Variants in ZNF875 observed in about 807,000 individuals in gnomAD.
ZNF875 encodes HKR1, GLI-Kruppel zinc finger family member.
A neutral mutation model predicts 11.2 loss-of-function variants in ZNF875; 14 were observed. That is an observed-to-expected ratio of 1.26 (90% CI 0.83 to 1.96). The LOEUF is 1.96. Among genes scored for constraint, ZNF875 ranks in the 30% most tolerant of loss-of-function variants. ZNF875 has a pLI of 0.00. For missense variants in ZNF875, 752 were observed against 760.4 expected (o/e 0.99, Z 0.13); for synonymous variants, 301 against 281.1 (o/e 1.07, Z -0.71).
At chr19:37,323,565 G>C (rs2031888158) in exon 3 of ZNF875, 2 of 152,152 alleles carry the variant, frequency 1.3e-5, no homozygotes, top group South Asian at 4.1e-4. Flanking sequence ...TCTAGAGATT[G>C]AACAGGTAAG....
At chr19:37,327,624 G>A (rs1364948975) in intron 4 of ZNF875, among the ~76,000 whole-genome samples, 2 of 151,484 alleles carry the variant, frequency 1.3e-5, no homozygotes, top group East Asian at 2.0e-4. Context: ...AAAATTATTC[G>A]TGTAGTGGTG....
chr19:37,340,999 AAG>A (rs1429052482), intron 2 of ZNF875, among the ~76,000 whole-genome samples: 2 of 152,158 alleles, frequency 1.3e-5, no homozygotes, highest in African/African-American at 2.4e-5. Context: ...CAGCTGAAAA[AAG>A]AGGAGAAAAA....
chr19:37,318,430 A>G (rs1005140916), intron 1 of ZNF875, among the ~76,000 whole-genome samples: 6 of 152,180 alleles, frequency 3.9e-5, no homozygotes, highest in African/African-American at 1.4e-4. Flanking sequence ...TTAAAATGGC[A>G]TTTTGTTGTT....
At chr19:37,323,559 G>C (rs1439515111) in exon 3 of ZNF875, 1 of 152,166 alleles carries the variant, frequency 6.6e-6, no homozygotes, top group Non-Finnish European at 1.5e-5. Flanking sequence ...AGTCTCTCTA[G>C]AGATTGAACA....
upstream of ZNF875, chr19:37,315,486 G>A (rs550500484): frequency 2.0e-5 from 3 of 152,184 alleles, no homozygotes; most frequent in Non-Finnish European, 4.4e-5. Context: ...TCGAGTCCAG[G>A]AGAACTCAAG....
upstream of ZNF875, chr19:37,334,615 C>G (rs1192746824): frequency 4.4e-6 from 2 of 451,770 alleles, no homozygotes; most frequent in Non-Finnish European, 8.9e-6. Context: ...GCTCCCCTCC[C>G]TACCCTTCAG....
chr19:37,322,052 C>A (rs1160551800), intron 1 of ZNF875: 1 of 152,246 alleles, frequency 6.6e-6, no homozygotes, highest in Non-Finnish European at 1.5e-5. Context: ...CCACCCACGT[C>A]CCCCAGTGTT....
chr19:37,323,788 C>G (rs1484867451), intron 3 of ZNF875, among the ~76,000 whole-genome samples: 1 of 152,118 alleles, frequency 6.6e-6, no homozygotes, highest in Non-Finnish European at 1.5e-5. Context: ...CACTGTGTCC[C>G]CCAAAGGACA....
intron 4 of ZNF875, among the ~76,000 whole-genome samples, chr19:37,350,089 G>A (rs1365875798): frequency 2.2e-5 from 2 of 91,420 alleles, no homozygotes; most frequent in Admixed American, 3.1e-4. Context: ...GAGCCACCAC[G>A]CCCGGCCCCC....
chr19:37,355,779 A>G (rs1568639067), intron 4 of ZNF875, among the ~76,000 whole-genome samples: 1 of 152,096 alleles, frequency 6.6e-6, no homozygotes, highest in African/African-American at 2.4e-5. Flanking sequence ...TTGACATTTC[A>G]TTTGTTTATT....
rs200991364 is a variant in ZNF875 at position 37,340,749 on chromosome 19, C to T, written c.33+5492C>T. Among the ~76,000 whole-genome samples the T allele has an allele frequency of 2.3e-4, 35 of 149,174 alleles. 1 individual carries two copies. In the East Asian group the frequency reaches 5.2e-3, roughly 22 times the overall value. On this transcript the variant is annotated intron_variant, in intron 2 of 4. Transcript: ENST00000392153. ...CTGCAAGCTCCGCCTCCTGGGTTCA[C>T]GCCATTCTCCTGCCTCAGCCTCCCG...
chr19:37,319,138 A>T (rs1187858426), intron 1 of ZNF875, among the ~76,000 whole-genome samples: 1 of 149,382 alleles, frequency 6.7e-6, no homozygotes, highest in Non-Finnish European at 1.5e-5. Context: ...CCTCCGCCTC[A>T]CGGGTTCAAG....
intron 4 of ZNF875, among the ~76,000 whole-genome samples, chr19:37,361,095 T>C (rs934873915): frequency 2.0e-5 from 3 of 150,964 alleles, no homozygotes; most frequent in Non-Finnish European, 4.4e-5. Flanking sequence ...TCTCCTCATT[T>C]TGTTTGTCTT....
intron 2 of ZNF875, among the ~76,000 whole-genome samples, chr19:37,342,649 T>G (rs745874815): frequency 1.6e-4 from 24 of 152,102 alleles, no homozygotes; most frequent in Non-Finnish European, 3.1e-4. Context: ...CAACCTTGGG[T>G]GATGCGCCTG....
intron 4 of ZNF875, among the ~76,000 whole-genome samples, chr19:37,350,656 A>C (rs1342398697): frequency 6.6e-6 from 1 of 151,986 alleles, no homozygotes; most frequent in Admixed American, 6.6e-5. Context: ...CATTACATAA[A>C]TAAGATTTAT....
upstream of ZNF875, among the ~76,000 whole-genome samples, chr19:37,316,473 G>C (rs2030197152): frequency 6.6e-6 from 1 of 151,608 alleles, no homozygotes; most frequent in African/African-American, 2.4e-5. Context: ...GGGTTCAAAC[G>C]ATTCTCCTGC....
At chr19:37,343,343 A>G (rs1380024245) in intron 2 of ZNF875, among the ~76,000 whole-genome samples, 1 of 151,446 alleles carries the variant, frequency 6.6e-6, no homozygotes, top group Non-Finnish European at 1.5e-5. Flanking sequence ...ACTATCTCCA[A>G]AAAATAAAGA....
upstream of ZNF875, among the ~76,000 whole-genome samples, chr19:37,330,867 T>C (rs2033261943): frequency 6.6e-6 from 1 of 152,160 alleles, no homozygotes; most frequent in Non-Finnish European, 1.5e-5. Context: ...TTTGAGTTTT[T>C]CAAATTAGAA....
upstream of ZNF875, among the ~76,000 whole-genome samples, chr19:37,330,751 A>C (rs2033243546): frequency 6.6e-6 from 1 of 151,988 alleles, no homozygotes; most frequent in South Asian, 2.1e-4. Context: ...AACTTTTTTG[A>C]CTCATTGGTG....
Sources: gnomAD v4.1 joint callset for allele counts (sites outside exome capture counted in the v4.1 genomes callset) on GRCh38, gnomAD v4.1.1 for gene constraint, MANE v1.5 for transcripts, NCBI Gene and HGNC (gene_info 2026-07-23, HGNC 2026-07-21) for gene names.